Variants in NEK11 observed in about 807,000 individuals in gnomAD.
NEK11 encodes NIMA related kinase 11, also known as serine/threonine-protein kinase Nek11.
A neutral mutation model predicts 80.7 loss-of-function variants in NEK11; 72 were observed. That is an observed-to-expected ratio of 0.89 (90% CI 0.74 to 1.08). NEK11 has a LOEUF of 1.08. Ranked by LOEUF, NEK11 falls within the 50% of genes least tolerant of loss-of-function variation. The pLI is 0.00. For synonymous variants in NEK11, 251 were observed against 260.7 expected, an observed-to-expected ratio of 0.96 and a Z score of 0.36; for missense variants, 764 against 763.6, an observed-to-expected ratio of 1.00 and a Z score of -0.01.
chr3:131,314,811 C>A (rs886552277), intron 17 of NEK11, among the ~76,000 whole-genome samples: 2 of 152,154 alleles, frequency 1.3e-5, no homozygotes, highest in African/African-American at 4.8e-5. Flanking sequence ...TTTCTAAGCT[C>A]CCATACTCAT....
intron 7 of NEK11, among the ~76,000 whole-genome samples, chr3:131,139,842 A>G (rs2086478523): frequency 6.6e-6 from 1 of 152,180 alleles, no homozygotes; most frequent in South Asian, 2.1e-4. Flanking sequence ...TCAAATTGGG[A>G]TTGAATCTTT....
At chr3:131,115,867 G>A (rs1477927214) in intron 5 of NEK11, among the ~76,000 whole-genome samples, 1 of 151,816 alleles carries the variant, frequency 6.6e-6, no homozygotes, top group Non-Finnish European at 1.5e-5. Flanking sequence ...GAGGTATTGT[G>A]GTAGAGTGGC....
At chr3:131,049,396 T>C (rs2067970644) in intron 3 of NEK11, among the ~76,000 whole-genome samples, 1 of 152,184 alleles carries the variant, frequency 6.6e-6, no homozygotes, top group South Asian at 2.1e-4. Context: ...TATGTCCTAG[T>C]GGTATGGAGT....
intron 5 of NEK11, among the ~76,000 whole-genome samples, chr3:131,127,115 G>A (rs1380184739): frequency 1.3e-5 from 2 of 151,772 alleles, no homozygotes; most frequent in African/African-American, 4.8e-5. Flanking sequence ...ACAAGTGCCT[G>A]CCACCATGCC....
chr3:131,271,264 A>G (rs1050792518), intron 16 of NEK11, among the ~76,000 whole-genome samples: 18 of 152,228 alleles, frequency 1.2e-4, no homozygotes, highest in African/African-American at 3.9e-4. Flanking sequence ...TGAGCAACAC[A>G]TTGTTAATTT....
At chr3:131,030,734 C>T (rs769040651) in intron 3 of NEK11, among the ~76,000 whole-genome samples, 27 of 152,178 alleles carry the variant, frequency 1.8e-4, no homozygotes, top group Non-Finnish European at 3.7e-4. Context: ...GTCACCTCGT[C>T]TCTTTTGATT....
At chr3:131,319,722 A>T (rs896270923) in intron 17 of NEK11, among the ~76,000 whole-genome samples, 3 of 152,156 alleles carry the variant, frequency 2.0e-5, no homozygotes, top group African/African-American at 7.2e-5. Context: ...TTTCTTTCAC[A>T]CATGCAAAAA....
intron 14 of NEK11, among the ~76,000 whole-genome samples, chr3:131,210,954 G>A (rs907646216): frequency 1.3e-4 from 20 of 152,028 alleles, no homozygotes; most frequent in Non-Finnish European, 2.4e-4. Context: ...CTTTTAATTG[G>A]GGCATTTAGC....
At chr3:131,049,244 C>T (rs1488751549) in intron 3 of NEK11, among the ~76,000 whole-genome samples, 1 of 152,142 alleles carries the variant, frequency 6.6e-6, no homozygotes, top group Admixed American at 6.5e-5. Context: ...ATGGACTCAG[C>T]ATGATTATGT....
In NEK11 at chr3:131,349,672, G is replaced by C; in HGVS notation, c.1834G>C (p.Val612Leu). ...AEIRECLEKV[V>L]PQASDCFEVD... ...GATCCGCGAGTGTTTGGAAAAAGTG[G>C]TGCCTCAAGCCAGCGACTGTTTTGA... The change falls in exon 18 of 18, where the codon GTG (valine) becomes CTG (leucine). Residue 612 changes from valine (V) to leucine (L), a missense_variant. Val to Leu is a conservative substitution (Grantham distance 32). Coordinates refer to ENST00000383366, the MANE Select transcript of NEK11 (RefSeq NM_024800.5). 1.2e-6 allele frequency: 2 copies of C among 1,614,168 alleles called. No individual in the cohort carries two copies. Among genetic ancestry groups the C allele is most frequent in the Non-Finnish European group, 1.7e-6 (2 of 1,180,030 alleles).
At chr3:131,099,664 T>G (rs2078065773) in intron 4 of NEK11, among the ~76,000 whole-genome samples, 1 of 152,222 alleles carries the variant, frequency 6.6e-6, no homozygotes, top group African/African-American at 2.4e-5. Flanking sequence ...TTTATATTTC[T>G]CCTTGTAGAG....
At chr3:131,309,245 T>C (rs115059713) in intron 17 of NEK11, among the ~76,000 whole-genome samples, 2,590 of 152,316 alleles carry the variant, frequency 0.017, 63 homozygotes, top group African/African-American at 0.058. Context: ...TGTGTAAGTG[T>C]TCTAACTGCT....
chr3:131,304,051 C>G (rs2096694805), intron 17 of NEK11, among the ~76,000 whole-genome samples: 1 of 152,132 alleles, frequency 6.6e-6, no homozygotes, highest in South Asian at 2.1e-4. Flanking sequence ...TCACATATAC[C>G]AGTGAGTCAT....
chr3:131,314,365 A>C (rs1398290615), intron 17 of NEK11, among the ~76,000 whole-genome samples: 1 of 152,214 alleles, frequency 6.6e-6, no homozygotes, highest in Non-Finnish European at 1.5e-5. Context: ...ATCAAATTGC[A>C]CAACAAATCT....
At chr3:131,113,970 T>C (rs1052909006) in intron 5 of NEK11, among the ~76,000 whole-genome samples, 2 of 151,634 alleles carry the variant, frequency 1.3e-5, no homozygotes, top group Non-Finnish European at 2.9e-5. Flanking sequence ...TCTAGCACTA[T>C]TGTGAATTTC....
intron 16 of NEK11, among the ~76,000 whole-genome samples, chr3:131,253,452 A>G (rs1169092199): frequency 6.6e-6 from 1 of 152,172 alleles, no homozygotes; most frequent in Non-Finnish European, 1.5e-5. Flanking sequence ...GGAATAGCCA[A>G]TAATATAGCC....
At chr3:131,158,399 G>T (rs2149885756) in intron 10 of NEK11, among the ~76,000 whole-genome samples, 1 of 152,258 alleles carries the variant, frequency 6.6e-6, no homozygotes, top group East Asian at 1.9e-4. Flanking sequence ...GCTGACAGGA[G>T]TGTATCCCAC....
chr3:131,269,084 A>G (rs1245320523), intron 16 of NEK11, among the ~76,000 whole-genome samples: 1 of 152,044 alleles, frequency 6.6e-6, no homozygotes, highest in Non-Finnish European at 1.5e-5. Context: ...AAAACCACCT[A>G]CTCAAGCCTC....
At chr3:131,346,115 A>G (rs1327159488) in intron 17 of NEK11, among the ~76,000 whole-genome samples, 6 of 152,200 alleles carry the variant, frequency 3.9e-5, no homozygotes, top group Non-Finnish European at 2.9e-5. Flanking sequence ...CTAGAGATCT[A>G]ATGTCAATAT....
Sources: gnomAD v4.1 joint callset for allele counts (sites outside exome capture counted in the v4.1 genomes callset) on GRCh38, gnomAD v4.1.1 for gene constraint, MANE v1.5 for transcripts, NCBI Gene and HGNC (gene_info 2026-07-23, HGNC 2026-07-21) for gene names.